The following HIVEP2 variants were observed in gnomAD, a reference collection of about 807,000 sequenced individuals.
HIVEP2 encodes the protein HIVEP zinc finger 2.
A neutral mutation model predicts 180.7 loss-of-function variants in HIVEP2; 14 were observed. The observed-to-expected ratio is 0.08, with a 90% CI of 0.05 to 0.12. HIVEP2 has a LOEUF of 0.12. Among genes scored for constraint, HIVEP2 ranks in the 10% least tolerant of loss-of-function variants. The probability of loss-of-function intolerance (pLI) is 1.00; values close to 1 mark genes in which losing one functional copy is unlikely to be tolerated. For missense variants in HIVEP2, 2,579 were observed against 3,008.5 expected (o/e 0.86, Z 3.34); for synonymous variants, 1,184 against 1,136.4 (o/e 1.04, Z -0.84).
chr6:142,895,722 T>G (rs971619658), intron 1 of HIVEP2, among the ~76,000 whole-genome samples: 2 of 152,204 alleles, frequency 1.3e-5, no homozygotes, highest in African/African-American at 4.8e-5. Flanking sequence ...CCAAAGATTT[T>G]AACACACTGT....
intron 2 of HIVEP2, among the ~76,000 whole-genome samples, chr6:142,818,975 G>C (rs715400): frequency 0.5 from 71,897 of 144,824 alleles, 19,650 homozygotes; most frequent in Non-Finnish European, 0.61. Context: ...CTGTCAGGAA[G>C]GAAGGACAGA....
chr6:142,866,971 G>C (rs1776156353), intron 1 of HIVEP2, among the ~76,000 whole-genome samples: 1 of 152,164 alleles, frequency 6.6e-6, no homozygotes, highest in Non-Finnish European at 1.5e-5. Context: ...CTGGTGAACA[G>C]GAGAAGTTGA....
chr6:142,903,208 T>C (rs77234968), intron 1 of HIVEP2, among the ~76,000 whole-genome samples: 2,504 of 152,360 alleles, frequency 0.016, 25 homozygotes, highest in Non-Finnish European at 0.023. Context: ...TAAACAATTA[T>C]GTGAAAATAA....
Position 142,901,589 on chromosome 6 carries a change from T to C in HIVEP2, c.-641+43510A>G, listed in dbSNP as rs546944754. On this transcript the variant is annotated intron_variant, in intron 1 of 9. Transcript: ENST00000367603. ...GCCCCTCCTTTTCAGATTTTGTACC[T>C]CCTAAGAAATCAGTGATTTGACTTC... 7.2e-5 allele frequency among the ~76,000 whole-genome samples: 11 copies of C among 152,262 alleles called. No individual in the cohort carries two copies. In the East Asian group the frequency reaches 2.1e-3, roughly 29 times the overall value.
chr6:142,877,751 C>A (rs991590161), intron 1 of HIVEP2, among the ~76,000 whole-genome samples: 2 of 152,204 alleles, frequency 1.3e-5, no homozygotes, highest in African/African-American at 4.8e-5. Flanking sequence ...AGATCACAGC[C>A]TCCTGAGAAA....
intron 1 of HIVEP2, among the ~76,000 whole-genome samples, chr6:142,918,519 G>T (rs933170220): frequency 6.6e-6 from 1 of 152,146 alleles, no homozygotes; most frequent in Admixed American, 6.5e-5. Flanking sequence ...TTCTGCCCTG[G>T]CTTTGCGACG....
At chr6:142,876,198 A>T (rs1237344553) in intron 1 of HIVEP2, among the ~76,000 whole-genome samples, 1 of 152,150 alleles carries the variant, frequency 6.6e-6, no homozygotes, top group African/African-American at 2.4e-5. Flanking sequence ...CTTTGGTAAG[A>T]TATATGAGAG....
chr6:142,918,053 G>T, intron 1 of HIVEP2, among the ~76,000 whole-genome samples: 1 of 150,724 alleles, frequency 6.6e-6, no homozygotes, highest in African/African-American at 2.4e-5. Flanking sequence ...GATTATAGAC[G>T]TGAGCCATCA....
At chr6:142,839,894 GT>G (rs1427168181) in intron 1 of HIVEP2, among the ~76,000 whole-genome samples, 4 of 152,142 alleles carry the variant, frequency 2.6e-5, no homozygotes, top group African/African-American at 9.7e-5. Flanking sequence ...ACTAGAAGCA[GT>G]TTTCCTGAAT....
In HIVEP2 at chr6:142,772,485, G is replaced by A. The variant is rs746904625; in HGVS notation, c.2254C>T (p.His752Tyr). 1.2e-6 allele frequency: 2 copies of A among 1,613,994 alleles called. No individual in the cohort carries two copies. Among genetic ancestry groups the A allele is most frequent in the Admixed American group, 1.7e-5 (1 of 60,014 alleles). ...GGGTCAAAGCGTTCCGTGTGACCAT[G>A]AGAAAGGTTTTCGTGTCCAGCCATG... ...FAMAGHENLSHGHTERFDPCR... is the reference protein window; with the variant it reads ...FAMAGHENLSYGHTERFDPCR... Residue 752 changes from histidine to tyrosine, a missense_variant, in exon 5 of 10, where the codon CAT becomes TAT. His to Tyr is a moderately conservative substitution (Grantham distance 83, BLOSUM62 2). This residue lies in a region of HIVEP2 where 524 missense variants were observed against 563.6 expected (regional missense o/e 0.93). Transcript: ENST00000367603. The surrounding 1 kb of genome is among the most constrained non-coding windows in gnomAD (Gnocchi z 4.9).
intron 2 of HIVEP2, among the ~76,000 whole-genome samples, chr6:142,810,361 C>A (rs887417185): frequency 6.6e-6 from 1 of 152,092 alleles, no homozygotes; most frequent in African/African-American, 2.4e-5. Context: ...ACATAGTCCA[C>A]ATCTTTGGGG....
intron 1 of HIVEP2, among the ~76,000 whole-genome samples, chr6:142,883,610 C>CG (rs954338962): frequency 1.3e-5 from 2 of 152,068 alleles, no homozygotes; most frequent in African/African-American, 4.8e-5. Context: ...TCCCTTACAA[C>CG]GTAGGGCAAA....
chr6:142,820,192 C>A (rs1242392784), intron 2 of HIVEP2, among the ~76,000 whole-genome samples: 2 of 152,160 alleles, frequency 1.3e-5, no homozygotes, highest in Non-Finnish European at 2.9e-5. Flanking sequence ...ACTGATCTAA[C>A]CTTCATTAAT....
intron 1 of HIVEP2, among the ~76,000 whole-genome samples, chr6:142,875,398 G>T (rs1776409296): frequency 1.3e-5 from 2 of 152,132 alleles, no homozygotes; most frequent in South Asian, 4.1e-4. Flanking sequence ...GAATAGCTTG[G>T]ATTTTATTCT....
chr6:142,769,057 C>T (rs1775450347), intron 5 of HIVEP2, among the ~76,000 whole-genome samples: 1 of 148,884 alleles, frequency 6.7e-6, no homozygotes, highest in Non-Finnish European at 1.5e-5. Flanking sequence ...CAGCCAGCAA[C>T]TTGGAAAAAT....
intron 1 of HIVEP2, among the ~76,000 whole-genome samples, chr6:142,862,423 TG>T (rs1288208155): frequency 8.7e-6 from 1 of 115,058 alleles, no homozygotes; most frequent in Non-Finnish European, 2.0e-5. Flanking sequence ...ATCGATTACA[TG>T]TATCATATAT....
chr6:142,790,626 T>A (rs1348697917), intron 2 of HIVEP2, among the ~76,000 whole-genome samples: 1 of 152,242 alleles, frequency 6.6e-6, no homozygotes, highest in African/African-American at 2.4e-5. Context: ...AATAAGGTCA[T>A]GATTCTCCAA....
intron 2 of HIVEP2, among the ~76,000 whole-genome samples, chr6:142,832,289 C>A (rs1391481134): frequency 2.6e-5 from 4 of 151,310 alleles, no homozygotes; most frequent in South Asian, 2.1e-4. Flanking sequence ...TATTAAATGT[C>A]TACTATTTTT....
Position 142,774,298 on chromosome 6 carries a change from A to C in HIVEP2, c.441T>G (p.Ser147Arg), listed in dbSNP as rs776561458. 4 of 1,614,080 alleles carry C rather than the reference A, an allele frequency of 2.5e-6. No homozygotes were observed. Among genetic ancestry groups the C allele is most frequent in the Non-Finnish European group, 3.4e-6 (4 of 1,180,042 alleles). Residue 147 changes from serine (S) to arginine (R), a missense_variant, in exon 5 of 10, where the codon AGT becomes AGG. Physicochemically the swap from Ser to Arg is moderately radical, Grantham distance 110. Around this residue, in one of 11 missense-constraint regions of HIVEP2, gnomAD observed 207 missense variants for 210.1 expected, o/e 0.99. Transcript: ENST00000367603. This position sits in a 1 kb window ranked among gnomAD's most constrained non-coding sequence, Gnocchi z 5.1. The part of the protein sequence containing the change: ...DLFPFPIHGH[S>R]GGYPRKKISS... ...AAATCTTTTTTCTAGGATAACCACC[A>C]CTGTGGCCATGTATAGGAAAAGGAA...
Sources: allele counts gnomAD v4.1 joint callset (sites outside exome capture counted in the v4.1 genomes callset), GRCh38; gene constraint gnomAD v4.1.1; regional missense constraint gnomAD v4.1.1; non-coding constraint Gnocchi (gnomAD v3.1); transcripts MANE v1.5; gene names NCBI Gene and HGNC (gene_info 2026-07-23, HGNC 2026-07-21).